The following NID2 variants were observed in gnomAD, a reference collection of about 807,000 sequenced individuals.
NID2 encodes the protein nidogen-2.
In NID2, 83 loss-of-function variants were observed where a neutral mutation model predicts 145.4. The ratio of observed to expected loss-of-function variants is 0.57; its 90% CI spans 0.48 to 0.69. The LOEUF is 0.69. NID2 is among the 30% of genes least tolerant of loss of function. The pLI is 0.00. For synonymous variants in NID2, 739 were observed against 701.3 expected (o/e 1.05, Z -0.85); for missense variants, 1,807 against 1,765.7 (o/e 1.02, Z -0.42).
At chr14:52,059,942 C>G (rs1044428847) in intron 3 of NID2, among the ~76,000 whole-genome samples, 182 bp downstream of exon 3, 9 of 152,120 alleles carry the variant, frequency 5.9e-5, no homozygotes, top group African/African-American at 1.9e-4. Context: ...AAATAAAGGA[C>G]CTTTTATGTT....
intron 17 of NID2, 137 bp from the exon 18 acceptor site, chr14:52,011,184 G>A: frequency 4.1e-6 from 3 of 736,906 alleles, no homozygotes; most frequent in Non-Finnish European, 6.6e-6. Flanking sequence ...CCAAGAACCA[G>A]GTTAATAGAG....
Position 52,068,005 on chromosome 14 carries a change from G to C in NID2, c.387C>G (p.Ser129=), listed in dbSNP as rs567567357. The change falls in exon 2 of 22, where the codon TCC becomes TCG. Residue 129 remains serine (S), a synonymous_variant. Transcript: ENST00000216286. ...GGGCGGCCAGGCCCAGCACTGCGGG[G>C]GAGGTGTCCTCTCGGTACAGGACTC... ...RGRVLYREDT[S]PAVLGLAARY... is the part of the protein sequence containing the mutation. 2 of 1,612,442 alleles carry C rather than the reference G, an allele frequency of 1.2e-6. No homozygotes were observed. Among genetic ancestry groups the C allele is most frequent in the African/African-American group, 1.3e-5 (1 of 74,904 alleles).
At chr14:52,038,616 G>C (rs1348175260) in intron 9 of NID2, 131 bp downstream of exon 9, 6 of 626,518 alleles carry the variant, frequency 9.6e-6, no homozygotes, top group Non-Finnish European at 1.6e-5. Context: ...GCAAGGATCT[G>C]CTCTATTCAT....
At chr14:52,010,019 TC>T (rs1385362196) in intron 18 of NID2, 1 of 152,006 alleles carries the variant, frequency 6.6e-6, no homozygotes, top group Non-Finnish European at 1.5e-5. Flanking sequence ...AAAAGGACCT[TC>T]CAAATGTCCA....
At chr14:52,020,346 T>A in intron 12 of NID2, 168 bp from the exon 13 acceptor site, 1 of 1,118,102 alleles carries the variant, frequency 8.9e-7, no homozygotes, top group Non-Finnish European at 1.2e-6. Flanking sequence ...AAGGTAAGCT[T>A]AATAGAAAGG....
chr14:52,009,433 C>T (rs1455497430), intron 18 of NID2: 2 of 152,184 alleles, frequency 1.3e-5, no homozygotes, highest in Non-Finnish European at 2.9e-5. Context: ...GGCTTGACAA[C>T]CATTCTGTTA....
intron 5 of NID2, 44 bp downstream of exon 5, chr14:52,053,535 T>G (rs1181071955): frequency 6.4e-7 from 1 of 1,559,242 alleles, no homozygotes; most frequent in Non-Finnish European, 8.7e-7. Flanking sequence ...AAAACCAGCA[T>G]GGTTAAGATG....
In NID2 at chr14:52,027,186, C is replaced by G. The variant is rs1226404392; in HGVS notation, c.2674+15G>C. ...GCAACTTTCCAGTCATTGAGGCTGA[C>G]CTGCAGTTACTCACCAGTGCACTGG... On this transcript the variant is annotated intron_variant, in intron 12 of 21. Coordinates refer to ENST00000216286, the MANE Select transcript of NID2 (RefSeq NM_007361.4). 4.1e-6 allele frequency: 6 copies of G among 1,474,590 alleles called. No homozygotes were observed. Among genetic ancestry groups the G allele is most frequent in the Non-Finnish European group, 9.0e-7 (1 of 1,108,058 alleles). 91.3% of individuals were successfully genotyped at this position (1,474,590 alleles called of 1,614,324 possible). A position where few individuals can be genotyped will look rare whatever the true frequency, so the allele number is the denominator to read the frequency against.
intron 2 of NID2, among the ~76,000 whole-genome samples, chr14:52,065,224 C>T (rs1244151105): frequency 6.6e-6 from 1 of 152,156 alleles, no homozygotes; most frequent in East Asian, 1.9e-4. Flanking sequence ...GATGCCATTG[C>T]TTTGAATCTT....
rs578238405 is a variant in NID2 at position 52,039,437 on chromosome 14, A to T, written c.2027-460T>A. 8.5e-5 allele frequency among the ~76,000 whole-genome samples: 13 copies of T among 152,344 alleles called. No individual in the cohort carries two copies. The South Asian group carries it at 2.3e-3, about 27-fold the overall frequency. ...CCAATCCATCTTCTACATTTCACAG[A>T]AGTGACGACTTCCAACACCTCGCAC... On this transcript the variant is annotated intron_variant, in intron 8 of 21. Transcript: ENST00000216286.
intron 17 of NID2, 26 bp downstream of exon 17, chr14:52,011,528 G>A (rs757144921): frequency 1.1e-5 from 17 of 1,613,262 alleles, no homozygotes; most frequent in Non-Finnish European, 1.3e-5. Context: ...CAAATGAAAT[G>A]CAGACTGCTG....
intron 14 of NID2, among the ~76,000 whole-genome samples, chr14:52,018,711 C>T (rs1043161364): frequency 5.3e-5 from 8 of 152,212 alleles, no homozygotes; most frequent in African/African-American, 1.9e-4. Context: ...CTGGTCAAAA[C>T]GCCAGTCTGG....
intron 10 of NID2, among the ~76,000 whole-genome samples, 170 bp from the exon 11 acceptor site, chr14:52,029,020 AT>A (rs1323239558): frequency 5.9e-5 from 9 of 152,256 alleles, no homozygotes; most frequent in Non-Finnish European, 1.3e-4. Context: ...ATAATCAGAA[AT>A]AGTAAAAATT....
At chr14:52,035,036 C>G (rs1035298597) in intron 9 of NID2, among the ~76,000 whole-genome samples, 2 of 152,112 alleles carry the variant, frequency 1.3e-5, no homozygotes, top group Non-Finnish European at 2.9e-5. Context: ...CATATCCCCC[C>G]ACCCAAAATG....
chr14:52,016,846 T>A (rs1318951465), intron 14 of NID2, among the ~76,000 whole-genome samples: 1 of 152,082 alleles, frequency 6.6e-6, no homozygotes, highest in Non-Finnish European at 1.5e-5. Context: ...CACCTACAAT[T>A]CCTCTTGGAA....
intron 19 of NID2, chr14:52,007,343 G>C (rs1369892146): frequency 5.7e-6 from 1 of 174,816 alleles, no homozygotes; most frequent in East Asian, 1.8e-4. Context: ...TAGACACACA[G>C]CATTTTTTCA....
rs534599846 is a variant in NID2, at chr14:52,006,612, A to G, written c.3929T>C (p.Val1310Ala). Residue 1310 changes from valine to alanine, a missense_variant, in exon 20 of 22, where the codon GTC (valine) becomes GCC (alanine). Coordinates refer to ENST00000216286, the MANE Select transcript of NID2 (RefSeq NM_007361.4). ...CTLPDGTGRR[V>A]IQNNLKYPFS... ...GGGGTACTTGAGGTTGTTTTGAATGACACGCCGTCCAGTTCCATCAGGTAG... is the reference window on the plus strand; with the variant it reads ...GGGGTACTTGAGGTTGTTTTGAATGGCACGCCGTCCAGTTCCATCAGGTAG... 13 of 1,613,892 alleles carry G rather than the reference A, an allele frequency of 8.1e-6. No individual in the cohort carries two copies. The Admixed American group carries it at 1.3e-4, about 17-fold the overall frequency.
chr14:52,027,316 C>T lies in NID2; in HGVS notation c.2559G>A (p.Glu853=), dbSNP rs1313179903. ...ILITPPANPC[E]DGSHTCAPAG... Reference sequence around the variant, plus strand: ...CAGGAGCACAGGTATGACTGCCATCCTCACAGGGGTTGGCAGGTGGGGTGA... The same window carrying T: ...CAGGAGCACAGGTATGACTGCCATCTTCACAGGGGTTGGCAGGTGGGGTGA... The change falls in exon 12 of 22, where the codon GAG becomes GAA. Residue 853 remains glutamate (E), a synonymous_variant. Transcript: ENST00000216286. The T allele has an allele frequency of 6.3e-7, 1 of 1,585,402 alleles. No individual in the cohort carries two copies. The highest frequency in any genetic ancestry group is 1.4e-5 in the African/African-American group (1 of 72,792).
At chr14:52,010,138 C>G (rs1409370284) in intron 18 of NID2, 1 of 151,962 alleles carries the variant, frequency 6.6e-6, no homozygotes, top group Non-Finnish European at 1.5e-5. Context: ...TGTGTAGAAC[C>G]CAAAGTTTGA....
Sources: allele counts gnomAD v4.1 joint callset (sites outside exome capture counted in the v4.1 genomes callset), GRCh38; gene constraint gnomAD v4.1.1; transcripts MANE v1.5; gene names NCBI Gene and HGNC (gene_info 2026-07-23, HGNC 2026-07-21).